FKTN: variants seen among roughly 807,000 people sequenced by gnomAD.
The protein encoded by FKTN is fukutin.
Under a neutral mutation model 58.6 loss-of-function variants are expected in FKTN, and 47 were observed. The observed-to-expected ratio is 0.80, with a 90% CI of 0.63 to 1.02. The LOEUF is 1.02. FKTN is among the 50% of genes least tolerant of loss of function. The probability of loss-of-function intolerance (pLI) is 0.00; values close to 1 mark genes in which losing one functional copy is unlikely to be tolerated. For missense variants in FKTN, 516 were observed against 537.3 expected (o/e 0.96, Z 0.39); for synonymous variants, 178 against 191.9 (o/e 0.93, Z 0.60).
At position 105,575,124 on chromosome 9, in the gene FKTN, A is replaced by G. The variant is rs533603648; in HGVS notation, c.92A>G (p.Tyr31Cys). 1.3e-5 allele frequency: 20 copies of G among 1,579,192 alleles called. No individual in the cohort carries two copies. Among genetic ancestry groups the G allele is most frequent in the African/African-American group, 4.0e-5 (3 of 74,306 alleles). ...TTTCAGTTGTACTACTACAAGCACT[A>G]TTTATCAACAAAGGTAATTTTATTC... The part of the protein sequence containing the change: ...LLFQLYYYKH[Y>C]LSTKNGAGLS... The change falls in exon 3 of 11, where the codon TAT (tyrosine) becomes TGT (cysteine). Residue 31 changes from tyrosine to cysteine, a missense_variant. Transcript: ENST00000357998.
At chr9:105,618,862 G>A (rs1478156812) in intron 9 of FKTN, among the ~76,000 whole-genome samples, 5 of 152,118 alleles carry the variant, frequency 3.3e-5, no homozygotes, top group Admixed American at 1.3e-4. Context: ...GAGGTCAGGA[G>A]ATCGAGACCA....
intron 4 of FKTN, among the ~76,000 whole-genome samples, chr9:105,597,111 T>C (rs553189999): frequency 1.2e-3 from 179 of 152,344 alleles, no homozygotes; most frequent in African/African-American, 3.9e-3. Flanking sequence ...ATCCTTGTTT[T>C]GTTTTAGAAA....
rs1834110388 is a variant in FKTN, at chr9:105,637,307, A to G, written c.*2043A>G. On this transcript the variant is annotated 3_prime_UTR_variant, in exon 11 of 11. Coordinates refer to ENST00000357998, the MANE Select transcript of FKTN (RefSeq NM_001079802.2). Reference sequence around the variant, plus strand: ...TTAATCTTTTATCCTTTCCTGAAGTACAAAGTCTTAAGAGTGTCTGAAATC... The same window carrying G: ...TTAATCTTTTATCCTTTCCTGAAGTGCAAAGTCTTAAGAGTGTCTGAAATC... 1.0e-6 allele frequency: 1 copy of G among 985,276 alleles called. No homozygotes were observed. Among genetic ancestry groups the G allele is most frequent in the Non-Finnish European group, 1.2e-6 (1 of 829,878 alleles). The allele number at this position is 985,276 out of a possible 1,614,324, so 61.0% of individuals were successfully genotyped here. A position where few individuals can be genotyped will look rare whatever the true frequency, so the allele number is the denominator to read the frequency against.
chr9:105,622,337 A>G (rs1158757497), intron 10 of FKTN, among the ~76,000 whole-genome samples: 1 of 152,046 alleles, frequency 6.6e-6, no homozygotes, highest in Non-Finnish European at 1.5e-5. Context: ...TATTTTTTAA[A>G]AGGCAGAAGA....
At chr9:105,578,540 A>C (rs1441441792) in intron 3 of FKTN, among the ~76,000 whole-genome samples, 2 of 147,102 alleles carry the variant, frequency 1.4e-5, no homozygotes, top group Non-Finnish European at 3.0e-5. Flanking sequence ...ATGGTGGATA[A>C]GCTTTTTGAT....
intron 4 of FKTN, chr9:105,596,870 A>G: frequency 1.7e-6 from 1 of 572,080 alleles, no homozygotes; most frequent in South Asian, 2.2e-5. Context: ...GTGAGTAAAT[A>G]TTGTTACTCT....
chr9:105,604,246 G>GTGCCTAA lies in FKTN; in HGVS notation c.401_402insTGCCTAA (p.Phe135AlafsTer2), dbSNP rs1422204429. On this transcript the variant is annotated stop_gained and frameshift_variant, in exon 6 of 11. Coordinates refer to ENST00000357998, the MANE Select transcript of FKTN (RefSeq NM_001079802.2). LOFTEE classifies it high-confidence loss of function. ...TGGTTTCGGATAGCTGAGAATATGG[G>GTGCCTAA]ATTTCAGTGCCTAAAGATTGAGAGT... The GTGCCTAA allele has an allele frequency of 1.2e-6, 2 of 1,612,672 alleles. No homozygotes were observed. The highest frequency in any genetic ancestry group is 1.7e-6 in the Non-Finnish European group (2 of 1,179,990).
At chr9:105,580,022 G>C (rs985502808) in intron 3 of FKTN, among the ~76,000 whole-genome samples, 8 of 151,826 alleles carry the variant, frequency 5.3e-5, no homozygotes, top group Middle Eastern at 3.4e-3. Flanking sequence ...TTGCTTGGTA[G>C]ATCTTCCTCC....
rs138527057 is a variant in FKTN at position 105,621,115 on chromosome 9, C to T, written c.1172+1054C>T. 2.9e-3 allele frequency among the ~76,000 whole-genome samples: 435 copies of T among 152,200 alleles called. 3 individuals carry two copies. Among genetic ancestry groups the T allele is most frequent in the African/African-American group, 9.7e-3 (401 of 41,546 alleles). ...GAGAGAAAAAGCTTCTTTCATTCTG[C>T]TTTAACAGCTCTTTATAGTAGCAGT... On this transcript the variant is annotated intron_variant, in intron 10 of 10. Transcript: ENST00000357998.
intron 1 of FKTN, among the ~76,000 whole-genome samples, chr9:105,564,977 G>A (rs879235551): frequency 6.6e-6 from 1 of 152,216 alleles, no homozygotes; most frequent in Non-Finnish European, 1.5e-5. Flanking sequence ...AGCCAGAAGA[G>A]AGTGTGGGCC....
intron 1 of FKTN, 76 bp from the exon 2 acceptor site, chr9:105,573,579 G>C (rs1474566271): frequency 6.6e-6 from 1 of 151,810 alleles, no homozygotes; most frequent in African/African-American, 2.4e-5. Flanking sequence ...AATGAGCTAT[G>C]ATTGCACCAT....
chr9:105,639,832 C>T lies in FKTN; in HGVS notation c.*4568C>T. 7.8e-7 allele frequency: 1 copy of T among 1,274,824 alleles called. No individual in the cohort carries two copies. Among genetic ancestry groups the T allele is most frequent in the Non-Finnish European group, 9.9e-7 (1 of 1,010,424 alleles). 79.0% of individuals were successfully genotyped at this position (1,274,824 alleles called of 1,614,324 possible). A position where few individuals can be genotyped will look rare whatever the true frequency, so the allele number is the denominator to read the frequency against. ...CCATATGCTACCTAGTTTGCTGGTC[C>T]CAAGCAGTTTACTGTACTTCACTAG... On this transcript the variant is annotated 3_prime_UTR_variant, in exon 11 of 11. Coordinates refer to ENST00000357998, the MANE Select transcript of FKTN (RefSeq NM_001079802.2).
Position 105,636,907 on chromosome 9 carries a change from C to G in FKTN, c.*1643C>G. The stretch of plus-strand genomic sequence containing the variant: ...CCTTTGATAAATGATAACCAACAGT[C>G]TTCTGTCCTAATTTGCATTCTCAAT... On this transcript the variant is annotated 3_prime_UTR_variant, in exon 11 of 11. Coordinates refer to ENST00000357998, the MANE Select transcript of FKTN (RefSeq NM_001079802.2). 3 of 1,083,648 alleles carry G rather than the reference C, an allele frequency of 2.8e-6. No homozygotes were observed. The highest frequency in any genetic ancestry group is 3.4e-6 in the Non-Finnish European group (3 of 873,006). The allele number at this position is 1,083,648 out of a possible 1,614,324, so 67.1% of individuals were successfully genotyped here. A position where few individuals can be genotyped will look rare whatever the true frequency, so the allele number is the denominator to read the frequency against.
At chr9:105,570,804 T>C (rs1001519841) in intron 1 of FKTN, among the ~76,000 whole-genome samples, 7 of 152,160 alleles carry the variant, frequency 4.6e-5, no homozygotes, top group Non-Finnish European at 8.8e-5. Flanking sequence ...GGAAGAATAT[T>C]GAAGACTTCC....
At chr9:105,564,245 C>T (rs1564186362) in intron 1 of FKTN, among the ~76,000 whole-genome samples, 1 of 152,198 alleles carries the variant, frequency 6.6e-6, no homozygotes, top group Admixed American at 6.5e-5. Context: ...GAGCACCTCT[C>T]CTCCTCCAAA....
chr9:105,571,958 T>C (rs377717412), intron 1 of FKTN, among the ~76,000 whole-genome samples: 4 of 152,274 alleles, frequency 2.6e-5, no homozygotes, highest in Admixed American at 6.5e-5. Context: ...ATCCAAATAT[T>C]CTGGAATCCT....
At chr9:105,563,585 G>A (rs996118037) in intron 1 of FKTN, among the ~76,000 whole-genome samples, 6 of 143,948 alleles carry the variant, frequency 4.2e-5, no homozygotes, top group Admixed American at 2.9e-4. Context: ...GAACTGCAAC[G>A]TGGCAGCGAG....
rs913041861 is a variant in FKTN at position 105,581,829 on chromosome 9, C to T, written c.105+6692C>T. ...CTAGCAATCAGCGAGATTCCGTGGG[C>T]GTAGGACCCTCCGAGCCAGGTGTGG... On this transcript the variant is annotated intron_variant, in intron 3 of 10. Transcript: ENST00000357998. Among the ~76,000 whole-genome samples, 12 of 152,214 alleles carry T rather than the reference C, an allele frequency of 7.9e-5. 1 individual carries two copies. Among genetic ancestry groups the T allele is most frequent in the East Asian group, 5.8e-4 (3 of 5,188 alleles).
At chr9:105,608,670 G>A (rs1829346448) in intron 7 of FKTN, among the ~76,000 whole-genome samples, 1 of 152,148 alleles carries the variant, frequency 6.6e-6, no homozygotes. Flanking sequence ...CGAGGGATAC[G>A]AAAATGAAGT....
Sources: allele counts gnomAD v4.1 joint callset (sites outside exome capture counted in the v4.1 genomes callset), GRCh38; gene constraint gnomAD v4.1.1; transcripts MANE v1.5; gene names NCBI Gene and HGNC (gene_info 2026-07-23, HGNC 2026-07-21).